FAM24B: variants seen among roughly 807,000 people sequenced by gnomAD.
FAM24B encodes the protein protein FAM24B.
Under a neutral mutation model 2.3 loss-of-function variants are expected in FAM24B, and 3 were observed. The ratio of observed to expected loss-of-function variants is 1.29; its 90% CI spans 0.59 to 3.32. The LOEUF (loss-of-function observed/expected upper bound fraction) is 3.32, where lower values mean the gene tolerates loss of function less well. Ranked by LOEUF, FAM24B falls within the 30% of genes most tolerant of loss-of-function variation. The pLI, the probability that FAM24B is intolerant of heterozygous loss-of-function variation, is 0.03. For synonymous variants in FAM24B, 36 were observed against 46.3 expected, an observed-to-expected ratio of 0.78 and a Z score of 0.90; for missense variants, 98 against 117.2, an observed-to-expected ratio of 0.84 and a Z score of 0.76.
chr10:122,870,459 C>G (rs1244877697), intron 1 of FAM24B, among the ~76,000 whole-genome samples: 1 of 152,096 alleles, frequency 6.6e-6, no homozygotes, highest in African/African-American at 2.4e-5. Flanking sequence ...ATTCTGATAC[C>G]AAAGCCCGGC....
rs572392792 is a variant in FAM24B at position 122,851,563 on chromosome 10, G to A, written c.-35-1013C>T. On this transcript the variant is annotated intron_variant, in intron 2 of 3. Coordinates refer to ENST00000368898, the MANE Select transcript of FAM24B (RefSeq NM_152644.3). Reference sequence around the variant, plus strand: ...ATATATTTTAGCACCAATGGAAGTAGATATGCCTAAATACTCTCTTAAGCC... The same window carrying A: ...ATATATTTTAGCACCAATGGAAGTAAATATGCCTAAATACTCTCTTAAGCC... Among the ~76,000 whole-genome samples, 119 of 152,332 alleles carry A rather than the reference G, an allele frequency of 7.8e-4. 1 individual carries two copies. The highest frequency in any genetic ancestry group is 2.9e-5 in the Non-Finnish European group (2 of 68,036).
At chr10:122,872,557 C>T (rs556346529) in intron 1 of FAM24B, among the ~76,000 whole-genome samples, 4 of 152,202 alleles carry the variant, frequency 2.6e-5, no homozygotes, top group Non-Finnish European at 4.4e-5. Context: ...CAATGATAGA[C>T]TGGATTAAGA....
chr10:122,849,934 C>T (rs899085294), intron 3 of FAM24B, among the ~76,000 whole-genome samples: 4 of 152,280 alleles, frequency 2.6e-5, no homozygotes, highest in African/African-American at 9.6e-5. Context: ...GAGCCCCAGT[C>T]ATTTTCCCCA....
intron 1 of FAM24B, among the ~76,000 whole-genome samples, chr10:122,864,427 A>G (rs1330695987): frequency 6.6e-6 from 1 of 152,192 alleles, no homozygotes; most frequent in East Asian, 1.9e-4. Context: ...ACTTTTCACA[A>G]GCAAAGGAAA....
intron 3 of FAM24B, among the ~76,000 whole-genome samples, chr10:122,849,886 C>T (rs1375950071): frequency 6.6e-6 from 1 of 152,154 alleles, no homozygotes; most frequent in Non-Finnish European, 1.5e-5. Context: ...CCACTGTTCC[C>T]CAGGTTTTTC....
intron 2 of FAM24B, among the ~76,000 whole-genome samples, chr10:122,853,837 T>C (rs2133825975): frequency 6.6e-6 from 1 of 152,338 alleles, no homozygotes; most frequent in Admixed American, 6.5e-5. Flanking sequence ...TTAGTCATCA[T>C]TAAGGAGCTA....
At chr10:122,862,829 G>A (rs1166049046) in intron 1 of FAM24B, among the ~76,000 whole-genome samples, 1 of 152,020 alleles carries the variant, frequency 6.6e-6, no homozygotes, top group Admixed American at 6.6e-5. Context: ...GTGTCCAAAT[G>A]GGAGAAACCA....
chr10:122,872,886 T>C (rs1307134729), intron 1 of FAM24B, among the ~76,000 whole-genome samples: 1 of 152,064 alleles, frequency 6.6e-6, no homozygotes, highest in East Asian at 1.9e-4. Flanking sequence ...TGTATACGTA[T>C]GTAACAAACC....
At chr10:122,853,027 G>T (rs1248876371) in intron 2 of FAM24B, among the ~76,000 whole-genome samples, 1 of 152,114 alleles carries the variant, frequency 6.6e-6, no homozygotes, top group Non-Finnish European at 1.5e-5. Context: ...GAGACAAAAA[G>T]CAAAACTTAG....
At chr10:122,879,105 G>T (rs1326323423) in intron 1 of FAM24B, among the ~76,000 whole-genome samples, 1 of 152,144 alleles carries the variant, frequency 6.6e-6, no homozygotes, top group South Asian at 2.1e-4. Context: ...TCAGGCGACC[G>T]CTCCATCCAA....
chr10:122,872,747 G>A (rs1387307746), intron 1 of FAM24B, among the ~76,000 whole-genome samples: 1 of 152,018 alleles, frequency 6.6e-6, no homozygotes, highest in Non-Finnish European at 1.5e-5. Flanking sequence ...GAGAACACAT[G>A]GACACAGGAA....
In FAM24B at chr10:122,849,224, T is replaced by C; in HGVS notation, c.*23A>G. 8 of 1,512,474 alleles carry C rather than the reference T, an allele frequency of 5.3e-6. No homozygotes were observed. Among genetic ancestry groups the C allele is most frequent in the Non-Finnish European group, 7.1e-6 (8 of 1,125,544 alleles). 93.7% of individuals were successfully genotyped at this position (1,512,474 alleles called of 1,614,324 possible). On this transcript the variant is annotated 3_prime_UTR_variant, in exon 4 of 4. Coordinates refer to ENST00000368898, the MANE Select transcript of FAM24B (RefSeq NM_152644.3). Reference sequence around the variant, plus strand: ...TACTAAGAAGTATTGCTCATGAAGATTTTTGTGCCCACCTTTCCTAACTCA... The same window carrying C: ...TACTAAGAAGTATTGCTCATGAAGACTTTTGTGCCCACCTTTCCTAACTCA...
intron 3 of FAM24B, 117 bp downstream of exon 3, chr10:122,850,307 C>T (rs1847506756): frequency 6.2e-6 from 5 of 802,360 alleles, no homozygotes; most frequent in Non-Finnish European, 1.1e-5. Flanking sequence ...ATGGCCACAG[C>T]AGCAAGGAAT....
At chr10:122,877,925 A>C (rs1848002398) in intron 1 of FAM24B, among the ~76,000 whole-genome samples, 1 of 152,204 alleles carries the variant, frequency 6.6e-6, no homozygotes, top group Non-Finnish European at 1.5e-5. Context: ...ACCTATACTC[A>C]ATCTCTACTA....
chr10:122,850,379 T>G (rs199750474), intron 3 of FAM24B, 45 bp downstream of exon 3: 6 of 1,492,554 alleles, frequency 4.0e-6, no homozygotes, highest in African/African-American at 1.4e-5. Context: ...CTTTTCCCCA[T>G]GTGACTCACT....
chr10:122,872,450 G>C (rs991477523), intron 1 of FAM24B, among the ~76,000 whole-genome samples: 9 of 152,300 alleles, frequency 5.9e-5, no homozygotes, highest in African/African-American at 2.2e-4. Flanking sequence ...ATGCCCAAAG[G>C]ATTATAAATC....
chr10:122,849,448 A>G lies in FAM24B; in HGVS notation c.93-9T>C, dbSNP rs780050464. 2.5e-6 allele frequency: 4 copies of G among 1,603,560 alleles called. No homozygotes were observed. Among genetic ancestry groups the G allele is most frequent in the South Asian group, 1.1e-5 (1 of 89,200 alleles). On this transcript the variant is annotated splice_polypyrimidine_tract_variant and intron_variant, in intron 3 of 3. Transcript: ENST00000368898. ...CAGGTTCCTTTGCAGCTCTTGAGAA[A>G]AGACACACACAAAGCACAGGCTTAG...
At chr10:122,869,164 A>C (rs1023399506) in intron 1 of FAM24B, among the ~76,000 whole-genome samples, 1 of 152,142 alleles carries the variant, frequency 6.6e-6, no homozygotes, top group African/African-American at 2.4e-5. Flanking sequence ...CTTTAAACCA[A>C]CAAAGATCAA....
At position 122,874,740 on chromosome 10, in the gene FAM24B, C is replaced by T. The variant is rs566299399; in HGVS notation, c.-178+4745G>A. Among the ~76,000 whole-genome samples, 18 of 152,250 alleles carry T rather than the reference C, an allele frequency of 1.2e-4. No individual in the cohort carries two copies. In the South Asian group the frequency reaches 1.2e-3, roughly 11 times the overall value. On this transcript the variant is annotated intron_variant, in intron 1 of 3. Coordinates refer to ENST00000368898, the MANE Select transcript of FAM24B (RefSeq NM_152644.3). ...CTAAGCTTGTCCAACCTACAGCCTG[C>T]GGGCTGTATACGGCCCTGGACGGCT...
Sources: allele counts gnomAD v4.1 joint callset (sites outside exome capture counted in the v4.1 genomes callset), GRCh38; gene constraint gnomAD v4.1.1; transcripts MANE v1.5; gene names NCBI Gene and HGNC (gene_info 2026-07-23, HGNC 2026-07-21).